NHERF4: variants seen among roughly 807,000 people sequenced by gnomAD.
NHERF4 encodes the protein NHERF family PDZ scaffold protein 4, also known as Na(+)/H(+) exchange regulatory cofactor NHE-RF4.
chr11:119,188,828 C>G, the NHERF4 span: 1 of 1,614,198 alleles, frequency 6.2e-7, no homozygotes, highest in Non-Finnish European at 8.5e-7. Context: ...GCTTCCGACT[C>G]AGTTGTGTGG....
At chr11:119,187,543 G>A in the NHERF4 span, 3 of 1,604,574 alleles carry the variant, frequency 1.9e-6, no homozygotes. Flanking sequence ...ACTGGACCTT[G>A]CTTTTTTTTT....
the NHERF4 span, chr11:119,188,556 G>A: frequency 7.5e-6 from 12 of 1,600,744 alleles, no homozygotes; most frequent in Admixed American, 5.1e-5. Flanking sequence ...AGCATGGTGC[G>A]TGCTGAGGGG....
the NHERF4 span, chr11:119,188,879 C>T: frequency 6.2e-7 from 1 of 1,613,114 alleles, no homozygotes; most frequent in East Asian, 2.2e-5. Flanking sequence ...TGACTGATGC[C>T]CCATGGATCT....
At chr11:119,188,532 C>A in the NHERF4 span, 2 of 1,598,488 alleles carry the variant, frequency 1.3e-6, no homozygotes, top group South Asian at 1.1e-5. Context: ...GACCCTGAGG[C>A]GGACCGCTTC....
the NHERF4 span, chr11:119,185,490 C>T: frequency 5.6e-6 from 9 of 1,614,000 alleles, no homozygotes; most frequent in Non-Finnish European, 7.6e-6. Flanking sequence ...GTTGCTGATC[C>T]AGCTATGGAG....
chr11:119,189,727 T>G, the NHERF4 span: 2 of 580,422 alleles, frequency 3.4e-6, no homozygotes, highest in South Asian at 3.9e-5. The surrounding 1 kb of genome is among the most constrained non-coding windows in gnomAD (Gnocchi z 5.8). Flanking sequence ...GGATGTCATA[T>G]GGGAGTTTTA....
chr11:119,187,869 G>A, the NHERF4 span: 1 of 1,474,268 alleles, frequency 6.8e-7, no homozygotes, highest in Non-Finnish European at 9.0e-7. Flanking sequence ...TGGGAGGAGG[G>A]GCTGTGGGGG....
At chr11:119,186,813 G>A in the NHERF4 span, 1 of 1,002,882 alleles carries the variant, frequency 1.0e-6, no homozygotes, top group Non-Finnish European at 1.4e-6. This position sits in a 1 kb window ranked among gnomAD's most constrained non-coding sequence, Gnocchi z 4.4. Flanking sequence ...ATTTAGAAGT[G>A]CCCAAGTCAG....
the NHERF4 span, chr11:119,187,455 C>A: frequency 6.2e-7 from 1 of 1,613,916 alleles, no homozygotes; most frequent in Admixed American, 1.7e-5. Flanking sequence ...TCAGTGTCAC[C>A]CATGGTGAGC....
the NHERF4 span, chr11:119,187,279 C>T: frequency 3.7e-6 from 6 of 1,600,174 alleles, no homozygotes; most frequent in South Asian, 4.5e-5. Flanking sequence ...GGTGGTACGC[C>T]GCATCCGGGC....
the NHERF4 span, chr11:119,189,429 C>T: frequency 6.2e-7 from 1 of 1,613,212 alleles, no homozygotes; most frequent in Admixed American, 1.7e-5. This position sits in a 1 kb window ranked among gnomAD's most constrained non-coding sequence, Gnocchi z 5.8. Flanking sequence ...TGGGTCCCAC[C>T]TGGAATGACC....
At chr11:119,187,303 G>C in the NHERF4 span, 1 of 1,611,194 alleles carries the variant, frequency 6.2e-7, no homozygotes, top group Non-Finnish European at 8.5e-7. Context: ...CAGCCCTCGG[G>C]TGTTGCTGAC....
At chr11:119,186,363 C>G in the NHERF4 span, 1 of 1,554,952 alleles carries the variant, frequency 6.4e-7, no homozygotes, top group Non-Finnish European at 8.8e-7. The surrounding 1 kb of genome is among the most constrained non-coding windows in gnomAD (Gnocchi z 4.4). Flanking sequence ...AACACCCAAC[C>G]AGGCAGAAAC....
At chr11:119,189,529 C>A in the NHERF4 span, 1 of 1,609,630 alleles carries the variant, frequency 6.2e-7, no homozygotes. The surrounding 1 kb of genome is among the most constrained non-coding windows in gnomAD (Gnocchi z 5.8). Context: ...TCAGGGGCTA[C>A]CGTGTCTTCA....
the NHERF4 span, chr11:119,188,360 T>C: frequency 6.2e-7 from 1 of 1,613,944 alleles, no homozygotes. Flanking sequence ...CCCAGGACAG[T>C]TCCTGTGGGA....
At chr11:119,185,938 A>G in the NHERF4 span, 2 of 1,614,170 alleles carry the variant, frequency 1.2e-6, no homozygotes, top group African/African-American at 1.3e-5. Flanking sequence ...TGCAGGACAC[A>G]GCCTCGTTAA....
the NHERF4 span, chr11:119,187,579 TCTGGTTGGTGCTAAGTA>T: frequency 1.3e-6 from 2 of 1,591,676 alleles, no homozygotes; most frequent in Non-Finnish European, 1.7e-6. Context: ...CAGGGTCCTT[TCTGGTTGGTGCTAAGTA>T]CTGGAGGAGC....
the NHERF4 span, chr11:119,186,246 CCACT>C: frequency 8.3e-5 from 134 of 1,613,696 alleles, no homozygotes; most frequent in Middle Eastern, 4.9e-4. The surrounding 1 kb of genome is among the most constrained non-coding windows in gnomAD (Gnocchi z 4.4). Context: ...TCCTTGGTAA[CCACT>C]CACTCGGTCT....
the NHERF4 span, chr11:119,185,569 G>C: frequency 1.3e-6 from 2 of 1,528,588 alleles, no homozygotes; most frequent in Non-Finnish European, 1.8e-6. Flanking sequence ...GGGCCGACTT[G>C]GAGGCTGAAG....
Sources: allele counts gnomAD v4.1 joint callset, GRCh38; gene constraint gnomAD v4.1.1; non-coding constraint Gnocchi (gnomAD v3.1); transcripts MANE v1.5; gene names NCBI Gene and HGNC (gene_info 2026-07-23, HGNC 2026-07-21).